The following SYNPO2 variants were observed in gnomAD, a reference collection of about 807,000 sequenced individuals.
SYNPO2 encodes synaptopodin 2, also known as synaptopodin-2.
A neutral mutation model predicts 85.0 loss-of-function variants in SYNPO2; 56 were observed. The ratio of observed to expected loss-of-function variants is 0.66; its 90% confidence interval spans 0.53 to 0.82. SYNPO2 has a LOEUF of 0.82. SYNPO2 is among the 40% of genes least tolerant of loss of function. The pLI, the probability that SYNPO2 is intolerant of heterozygous loss-of-function variation, is 0.00. For missense variants in SYNPO2, 1,575 were observed against 1,534.2 expected (o/e 1.03, Z -0.44); for synonymous variants, 602 against 591.1 (o/e 1.02, Z -0.27).
At chr4:118,870,929 C>G (rs1731788237) in intron 1 of SYNPO2, among the ~76,000 whole-genome samples, 1 of 152,080 alleles carries the variant, frequency 6.6e-6, no homozygotes, top group Admixed American at 6.6e-5. Flanking sequence ...TTTAAAAAAT[C>G]TTATTTATCA....
intron 1 of SYNPO2, among the ~76,000 whole-genome samples, chr4:118,920,656 T>G (rs1365836639): frequency 6.6e-6 from 1 of 152,196 alleles, no homozygotes; most frequent in South Asian, 2.1e-4. Flanking sequence ...TTGAGTGTAA[T>G]GTAAGAAATA....
intron 1 of SYNPO2, among the ~76,000 whole-genome samples, chr4:119,017,375 A>G (rs1385691229): frequency 1.3e-5 from 2 of 152,178 alleles, no homozygotes; most frequent in Non-Finnish European, 2.9e-5. Context: ...GTTGAAGAAT[A>G]CAGACCTACC....
intron 1 of SYNPO2, among the ~76,000 whole-genome samples, chr4:118,996,207 T>G: frequency 6.6e-6 from 1 of 152,196 alleles, no homozygotes; most frequent in East Asian, 1.9e-4. Flanking sequence ...GCCTTTGCAC[T>G]TGTTGTTCCC....
intron 1 of SYNPO2, among the ~76,000 whole-genome samples, chr4:118,852,345 T>C (rs894900190): frequency 2.0e-5 from 3 of 152,228 alleles, no homozygotes; most frequent in Non-Finnish European, 2.9e-5. Context: ...GAAATACCAC[T>C]TGACCCAGCA....
chr4:119,000,091 G>A (rs1366060155), intron 1 of SYNPO2, among the ~76,000 whole-genome samples: 2 of 152,176 alleles, frequency 1.3e-5, no homozygotes, highest in African/African-American at 4.8e-5. Flanking sequence ...GAGTGCAGTG[G>A]CACAATCATG....
intron 1 of SYNPO2, among the ~76,000 whole-genome samples, chr4:119,019,183 A>G (rs1737627551): frequency 6.6e-6 from 1 of 152,202 alleles, no homozygotes; most frequent in Non-Finnish European, 1.5e-5. Context: ...CCTCTGTAAC[A>G]AACCTTCACA....
chr4:118,850,907 C>T (rs1731410183), exon 1 of SYNPO2: 3 of 398,672 alleles, frequency 7.5e-6, no homozygotes, highest in Admixed American at 4.4e-5. Context: ...AAGCCTCCCA[C>T]AAAAGAGATG....
At chr4:118,887,202 T>TGTGTGTGTGC (rs1222936783), upstream of SYNPO2, among the ~76,000 whole-genome samples, 1 of 149,536 alleles carries the variant, frequency 6.7e-6, no homozygotes, top group African/African-American at 2.5e-5. Flanking sequence ...TGTGTGTGTG[T>TGTGTGTGTGC]GCACCCTCTG....
intron 1 of SYNPO2, among the ~76,000 whole-genome samples, chr4:118,907,271 ACTT>A (rs1732970218): frequency 6.6e-6 from 1 of 152,136 alleles, no homozygotes; most frequent in African/African-American, 2.4e-5. Context: ...TATAAATCTA[ACTT>A]CTTTACTCAA....
At chr4:119,015,794 A>T (rs1185153374) in intron 1 of SYNPO2, among the ~76,000 whole-genome samples, 1 of 152,226 alleles carries the variant, frequency 6.6e-6, no homozygotes, top group African/African-American at 2.4e-5. Flanking sequence ...AGAGGCATTA[A>T]ATCCTATTGA....
At chr4:118,894,980 T>C (rs1732506262) in intron 1 of SYNPO2, among the ~76,000 whole-genome samples, 1 of 152,258 alleles carries the variant, frequency 6.6e-6, no homozygotes, top group South Asian at 2.1e-4. Context: ...TAAGTTTTCA[T>C]GACTAACATA....
At chr4:118,924,513 G>A (rs1560870360) in intron 1 of SYNPO2, among the ~76,000 whole-genome samples, 2 of 152,156 alleles carry the variant, frequency 1.3e-5, no homozygotes, top group Admixed American at 1.3e-4. Flanking sequence ...GAGCAAAGAA[G>A]CCCGAGCCCT....
chr4:118,908,609 A>G (rs1182513742), intron 1 of SYNPO2, among the ~76,000 whole-genome samples: 1 of 152,182 alleles, frequency 6.6e-6, no homozygotes, highest in African/African-American at 2.4e-5. Context: ...TTTTCATGGA[A>G]TTATCAAGAC....
rs78521460 is a variant in SYNPO2 at position 119,034,858 on chromosome 4, T to C, written c.3252+2831T>C. ...CCTCCAGACGTCAGCCTCCCTCCCA[T>C]GGGGTACATTTTCAATCTGAGTGTT... On this transcript the variant is annotated intron_variant, in intron 4 of 4. Transcript: ENST00000307142. 21 of 985,456 alleles carry C rather than the reference T, an allele frequency of 2.1e-5. No individual in the cohort carries two copies. In the East Asian group the frequency reaches 2.3e-3, roughly 107 times the overall value. 61.0% of individuals were successfully genotyped at this position (985,456 alleles called of 1,614,324 possible). A position where few individuals can be genotyped will look rare whatever the true frequency, so the allele number is the denominator to read the frequency against.
At chr4:118,994,072 C>T (rs896309794) in intron 1 of SYNPO2, among the ~76,000 whole-genome samples, 1 of 152,182 alleles carries the variant, frequency 6.6e-6, no homozygotes, top group Non-Finnish European at 1.5e-5. Flanking sequence ...GTCACTACCA[C>T]CATATTAGGC....
At chr4:118,860,448 T>C (rs1731588783) in intron 1 of SYNPO2, among the ~76,000 whole-genome samples, 1 of 152,156 alleles carries the variant, frequency 6.6e-6, no homozygotes, top group African/African-American at 2.4e-5. Flanking sequence ...TTTGCCATGT[T>C]GCCCAGGGTG....
At chr4:118,882,450 T>C (rs1168103394) in intron 1 of SYNPO2, among the ~76,000 whole-genome samples, 1 of 152,210 alleles carries the variant, frequency 6.6e-6, no homozygotes, top group Non-Finnish European at 1.5e-5. Context: ...TTAAAAAACA[T>C]AAAATAGCAA....
Position 119,029,927 on chromosome 4 carries a change from G to GGAT in SYNPO2, c.1154_1156dup (p.Asp385dup), listed in dbSNP as rs778227355. 1.5e-5 allele frequency: 24 copies of GGAT among 1,613,230 alleles called. No homozygotes were observed. The Admixed American group carries it at 3.8e-4, about 26-fold the overall frequency. Reference sequence around the variant, plus strand: ...GCAAAAGCATTGCCCTTCTTCTAACGGATGCTCCCAACCCCAACTCCAAGG... The same window carrying GGAT: ...GCAAAAGCATTGCCCTTCTTCTAACGGATGATGCTCCCAACCCCAACTCCAAGG... On this transcript the variant is annotated inframe_insertion, in exon 4 of 5. Coordinates refer to ENST00000307142, the MANE Select transcript of SYNPO2 (RefSeq NM_133477.3).
intron 4 of SYNPO2, chr4:119,043,063 T>TGG (rs1738764454): frequency 1.3e-5 from 2 of 153,288 alleles, no homozygotes; most frequent in African/African-American, 4.8e-5. Flanking sequence ...GGTTGGTTGT[T>TGG]TTTTTTCTTT....
Sources: allele counts gnomAD v4.1 joint callset (sites outside exome capture counted in the v4.1 genomes callset), GRCh38; gene constraint gnomAD v4.1.1; transcripts MANE v1.5; gene names NCBI Gene and HGNC (gene_info 2026-07-23, HGNC 2026-07-21).